Variants in CACNA2D3 observed in about 807,000 individuals in gnomAD.
CACNA2D3 encodes the protein calcium voltage-gated channel auxiliary subunit alpha2delta 3.
A neutral mutation model predicts 160.6 loss-of-function variants in CACNA2D3; 60 were observed. The ratio of observed to expected loss-of-function variants is 0.37; its 90% CI spans 0.30 to 0.46. The LOEUF (loss-of-function observed/expected upper bound fraction) is 0.46. Ranked by LOEUF, CACNA2D3 falls within the 20% of genes least tolerant of loss-of-function variation. CACNA2D3 has a pLI of 1.00. For synonymous variants in CACNA2D3, 558 were observed against 492.9 expected, an observed-to-expected ratio of 1.13 and a Z score of -1.75; for missense variants, 1,205 against 1,365.0, an observed-to-expected ratio of 0.88 and a Z score of 1.85.
At chr3:55,063,507 G>A (rs774797454) in intron 35 of CACNA2D3, among the ~76,000 whole-genome samples, 2 of 152,162 alleles carry the variant, frequency 1.3e-5, no homozygotes, top group African/African-American at 2.4e-5. Context: ...TGCTCTTCAG[G>A]TGATTCCAGT....
chr3:54,832,457 G>A (rs1470433604), intron 14 of CACNA2D3, among the ~76,000 whole-genome samples: 2 of 152,124 alleles, frequency 1.3e-5, no homozygotes, highest in Non-Finnish European at 2.9e-5. Context: ...AAGGGGCCAG[G>A]CAGTTTACAA....
In CACNA2D3 at chr3:55,029,618, G is replaced by A. The variant is rs78988851; in HGVS notation, c.2987+11301G>A. The stretch of plus-strand genomic sequence containing the variant: ...ACTGTCCTCGATAAAATAGCTCTTG[G>A]ATTTTTGCCACTTCCTGGGTCTACT... On this transcript the variant is annotated intron_variant, in intron 35 of 37. Coordinates refer to ENST00000474759, the MANE Select transcript of CACNA2D3 (RefSeq NM_018398.3). Among the ~76,000 whole-genome samples, 103 of 152,210 alleles carry A rather than the reference G, an allele frequency of 6.8e-4. 1 individual carries two copies. The East Asian group carries it at 0.017, about 25-fold the overall frequency.
At chr3:54,763,244 C>G (rs1432981562) in intron 12 of CACNA2D3, among the ~76,000 whole-genome samples, 2 of 152,188 alleles carry the variant, frequency 1.3e-5, no homozygotes, top group Non-Finnish European at 2.9e-5. Context: ...AAGAGACTTA[C>G]AAACCTGGAC....
chr3:54,689,276 T>G (rs544900609), intron 11 of CACNA2D3, among the ~76,000 whole-genome samples: 2 of 152,208 alleles, frequency 1.3e-5, no homozygotes, highest in East Asian at 3.9e-4. Context: ...TTCTTTTGGT[T>G]CCCGCTCAGT....
chr3:54,184,731 C>T (rs1307460670), intron 2 of CACNA2D3, among the ~76,000 whole-genome samples: 2 of 152,166 alleles, frequency 1.3e-5, no homozygotes, highest in Non-Finnish European at 2.9e-5. Context: ...TCTTGGTTTG[C>T]ATTTCTTTGT....
chr3:54,779,682 A>C (rs140856520), intron 13 of CACNA2D3, among the ~76,000 whole-genome samples: 220 of 152,202 alleles, frequency 1.4e-3, no homozygotes, highest in African/African-American at 4.8e-3. Flanking sequence ...CTCCTTCTGA[A>C]CTGGAAAGAC....
At chr3:55,060,529 A>G (rs1003133707) in intron 35 of CACNA2D3, among the ~76,000 whole-genome samples, 3 of 152,206 alleles carry the variant, frequency 2.0e-5, no homozygotes, top group African/African-American at 7.2e-5. Context: ...GTCTTCATCC[A>G]TAAAATGGAG....
chr3:54,810,088 C>T (rs1451856069), intron 13 of CACNA2D3, among the ~76,000 whole-genome samples: 1 of 152,102 alleles, frequency 6.6e-6, no homozygotes, highest in Non-Finnish European at 1.5e-5. Context: ...ATCAGTGAGG[C>T]AGGGAAGTGG....
At chr3:54,131,286 G>A (rs1357662783) in intron 2 of CACNA2D3, among the ~76,000 whole-genome samples, 2 of 152,198 alleles carry the variant, frequency 1.3e-5, no homozygotes, top group Admixed American at 6.5e-5. Context: ...CTGCAGTGGC[G>A]GCGGCCTCTG....
chr3:54,274,175 T>C (rs1231839402), intron 2 of CACNA2D3, among the ~76,000 whole-genome samples: 1 of 152,022 alleles, frequency 6.6e-6, no homozygotes, highest in Non-Finnish European at 1.5e-5. Flanking sequence ...CTGGAAAATA[T>C]ACAAATATAT....
At chr3:54,374,498 T>G (rs953209856) in intron 3 of CACNA2D3, among the ~76,000 whole-genome samples, 1 of 152,210 alleles carries the variant, frequency 6.6e-6, no homozygotes, top group Non-Finnish European at 1.5e-5. Context: ...ACACACACTC[T>G]TAGTCACAAG....
intron 4 of CACNA2D3, among the ~76,000 whole-genome samples, chr3:54,424,501 A>G (rs1305985275): frequency 6.6e-6 from 1 of 152,152 alleles, no homozygotes. Context: ...ACATTTCCTG[A>G]TGGGCCTGAG....
At chr3:54,653,581 G>A (rs1699816673) in intron 11 of CACNA2D3, among the ~76,000 whole-genome samples, 1 of 152,192 alleles carries the variant, frequency 6.6e-6, no homozygotes, top group Non-Finnish European at 1.5e-5. Flanking sequence ...GCAGCTGAAG[G>A]GAGAGTTGAG....
At chr3:54,744,955 G>A (rs1039819585) in intron 11 of CACNA2D3, among the ~76,000 whole-genome samples, 1 of 152,244 alleles carries the variant, frequency 6.6e-6, no homozygotes, top group Admixed American at 6.5e-5. Context: ...GCCAGTAAGT[G>A]TAGCATTGAA....
intron 34 of CACNA2D3, among the ~76,000 whole-genome samples, chr3:55,014,600 C>T (rs1194567374): frequency 1.3e-5 from 2 of 152,026 alleles, no homozygotes; most frequent in African/African-American, 4.8e-5. Context: ...AGCATGATGG[C>T]GCGTGCCTGT....
chr3:54,250,267 C>T (rs1266593843), intron 2 of CACNA2D3, among the ~76,000 whole-genome samples: 2 of 152,032 alleles, frequency 1.3e-5, no homozygotes, highest in East Asian at 3.9e-4. Flanking sequence ...ATCTACCGGA[C>T]AGTTGATGAG....
intron 4 of CACNA2D3, among the ~76,000 whole-genome samples, chr3:54,438,631 A>G (rs1295490658): frequency 6.6e-6 from 1 of 152,252 alleles, no homozygotes; most frequent in Non-Finnish European, 1.5e-5. Context: ...TAGGGCATTT[A>G]GATGACTAAA....
chr3:55,011,243 G>A (rs1387155499), intron 34 of CACNA2D3, among the ~76,000 whole-genome samples: 1 of 152,172 alleles, frequency 6.6e-6, no homozygotes, highest in Non-Finnish European at 1.5e-5. Context: ...GTGGAGCAGG[G>A]CCCCTGTGTG....
At chr3:54,915,388 C>G (rs1534236) in intron 27 of CACNA2D3, among the ~76,000 whole-genome samples, 7 of 151,954 alleles carry the variant, frequency 4.6e-5, no homozygotes, top group Non-Finnish European at 1.0e-4. Flanking sequence ...CTAAATATGA[C>G]GAAAGAACTA....
Sources: allele counts gnomAD v4.1 joint callset (sites outside exome capture counted in the v4.1 genomes callset), GRCh38; gene constraint gnomAD v4.1.1; transcripts MANE v1.5; gene names NCBI Gene and HGNC (gene_info 2026-07-23, HGNC 2026-07-21).